Variants in DNAI1 observed in about 807,000 individuals in gnomAD.
DNAI1 encodes the protein dynein axonemal intermediate chain 1, also known as dynein, axonemal, intermediate polypeptide 1.
A neutral mutation model predicts 92.0 loss-of-function variants in DNAI1; 67 were observed. That is an observed-to-expected ratio of 0.73 (90% CI 0.60 to 0.89). DNAI1 has a LOEUF of 0.89. Among genes scored for constraint, DNAI1 ranks in the 40% least tolerant of loss-of-function variants. DNAI1 has a pLI of 0.00. For synonymous variants in DNAI1, 323 were observed against 319.6 expected (o/e 1.01, Z -0.11); for missense variants, 839 against 866.6 (o/e 0.97, Z 0.40).
rs1824814380 is a variant in DNAI1, at chr9:34,500,764, A to T, written c.944A>T (p.Gln315Leu). ...GATGCTGCTGATGAATACCGGGACCAGGTGGGTACCCTGCTGCCGCTCTGG... is the reference window on the plus strand; with the variant it reads ...GATGCTGCTGATGAATACCGGGACCTGGTGGGTACCCTGCTGCCGCTCTGG... ...YDDAADEYRD[Q>L]VGTLLPLWKF... Residue 315 changes from glutamine to leucine, a missense_variant, in exon 11 of 20, where the codon CAG becomes CTG. By Grantham distance (113) the Gln-to-Leu change is moderately radical. Transcript: ENST00000242317. The T allele has an allele frequency of 6.2e-7, 1 of 1,614,012 alleles. No homozygotes were observed. Among genetic ancestry groups the T allele is most frequent in the Non-Finnish European group, 8.5e-7 (1 of 1,180,016 alleles).
At chr9:34,482,544 CCAA>C (rs1370803854) in intron 1 of DNAI1, among the ~76,000 whole-genome samples, 1 of 146,832 alleles carries the variant, frequency 6.8e-6, no homozygotes, top group Non-Finnish European at 1.5e-5. Flanking sequence ...TAAAGACTCT[CCAA>C]GTCCTCACCA....
intron 19 of DNAI1, among the ~76,000 whole-genome samples, chr9:34,519,590 G>C (rs1432213792): frequency 6.6e-6 from 1 of 152,090 alleles, no homozygotes; most frequent in Non-Finnish European, 1.5e-5. Context: ...AAGCGGATAG[G>C]GGAGAAAATT....
At position 34,514,103 on chromosome 9, in the gene DNAI1, A is replaced by G. The variant is rs28630749; in HGVS notation, c.1570-291A>G. Among the ~76,000 whole-genome samples the G allele has an allele frequency of 0.27, 41,105 of 152,002 alleles. 5,753 individuals are homozygous for G. Among genetic ancestry groups the G allele is most frequent in the African/African-American group, 0.31 (12,949 of 41,430 alleles). On this transcript the variant is annotated intron_variant, in intron 16 of 19. Transcript: ENST00000242317. Reference sequence around the variant, plus strand: ...CTGCTCTGCCCTCTCTTAAGGAGAGAAGGCTTTTTCTGTCTGGCCTGGAAT... The same window carrying G: ...CTGCTCTGCCCTCTCTTAAGGAGAGGAGGCTTTTTCTGTCTGGCCTGGAAT...
intron 1 of DNAI1, 142 bp from the exon 2 acceptor site, chr9:34,483,306 G>A: frequency 1.3e-6 from 1 of 776,570 alleles, no homozygotes; most frequent in Non-Finnish European, 2.2e-6. Flanking sequence ...GAGCAAGCGA[G>A]GGCTCTGAGG....
intron 19 of DNAI1, 147 bp downstream of exon 19, chr9:34,517,614 CAGT>C: frequency 2.0e-6 from 2 of 976,490 alleles, no homozygotes; most frequent in Non-Finnish European, 3.1e-6. Flanking sequence ...ATGAGGCTCA[CAGT>C]AGAAGCAGGT....
intron 1 of DNAI1, among the ~76,000 whole-genome samples, chr9:34,474,559 T>G (rs1824203917): frequency 6.7e-6 from 1 of 148,574 alleles, no homozygotes; most frequent in African/African-American, 2.5e-5. Flanking sequence ...ATTTCTTTTT[T>G]TTTTTTCCTT....
At chr9:34,477,924 CTTTTT>C (rs74180566) in intron 1 of DNAI1, among the ~76,000 whole-genome samples, 225 of 48,966 alleles carry the variant, frequency 4.6e-3, no homozygotes, top group African/African-American at 0.015. Flanking sequence ...CTCTCTCTCT[CTTTTT>C]TTTTTTTTTT....
chr9:34,498,057 T>C (rs1251425795), intron 10 of DNAI1, among the ~76,000 whole-genome samples: 2 of 152,090 alleles, frequency 1.3e-5, no homozygotes, highest in Admixed American at 1.3e-4. Flanking sequence ...AGAGCAAGGC[T>C]GGAGGAGGAT....
intron 1 of DNAI1, among the ~76,000 whole-genome samples, chr9:34,464,573 C>G (rs1303014721): frequency 6.6e-6 from 1 of 151,070 alleles, no homozygotes; most frequent in Non-Finnish European, 1.5e-5. Context: ...GTTATATAGT[C>G]TCATTGCTCT....
intron 8 of DNAI1, among the ~76,000 whole-genome samples, chr9:34,492,283 C>T (rs1385960547): frequency 6.6e-6 from 1 of 151,706 alleles, no homozygotes; most frequent in African/African-American, 2.4e-5. Flanking sequence ...AGGGAGCACA[C>T]GGTGTGATGA....
chr9:34,489,233 T>C (rs1824531828), intron 4 of DNAI1, 90 bp from the exon 5 acceptor site: 1 of 1,483,518 alleles, frequency 6.7e-7, no homozygotes, highest in African/African-American at 1.4e-5. Flanking sequence ...AAAGATGGAC[T>C]GTCTTTGATC....
At position 34,491,375 on chromosome 9, in the gene DNAI1, G is replaced by A. The variant is rs947825763; in HGVS notation, c.622-120G>A. The A allele has an allele frequency of 7.0e-6, 7 of 996,550 alleles. No individual in the cohort carries two copies. The African/African-American group carries it at 1.1e-4, about 16-fold the overall frequency. The allele number at this position is 996,550 out of a possible 1,614,324, so 61.7% of individuals were successfully genotyped here. ...ACCCAAGCCCCTCTTTACTTCCCCA[G>A]CTCTGTGTCCCAAACCTCCATCAGC... On this transcript the variant is annotated intron_variant, in intron 7 of 19. Transcript: ENST00000242317.
At chr9:34,466,064 A>G (rs565060564) in intron 1 of DNAI1, among the ~76,000 whole-genome samples, 1 of 152,344 alleles carries the variant, frequency 6.6e-6, no homozygotes, top group African/African-American at 2.4e-5. Flanking sequence ...CCGTCATCCG[A>G]GGACCTGGCA....
intron 1 of DNAI1, among the ~76,000 whole-genome samples, chr9:34,475,902 G>C (rs548053213): frequency 6.6e-6 from 1 of 152,036 alleles, no homozygotes; most frequent in Non-Finnish European, 1.5e-5. Flanking sequence ...ACTAAAATAC[G>C]CTCAGGGACA....
At chr9:34,505,094 G>A (rs929260740) in intron 12 of DNAI1, among the ~76,000 whole-genome samples, 2 of 152,128 alleles carry the variant, frequency 1.3e-5, no homozygotes, top group Non-Finnish European at 2.9e-5. Context: ...TCCCGTTGCT[G>A]CTGGAATAAA....
At chr9:34,497,728 G>A (rs374551298) in intron 10 of DNAI1, among the ~76,000 whole-genome samples, 11 of 152,242 alleles carry the variant, frequency 7.2e-5, no homozygotes, top group African/African-American at 2.7e-4. Flanking sequence ...AGTTATGGAA[G>A]GCTTTGGAGA....
chr9:34,464,789 A>C (rs184429215), intron 1 of DNAI1, among the ~76,000 whole-genome samples: 2 of 152,132 alleles, frequency 1.3e-5, no homozygotes, highest in Admixed American at 1.3e-4. Context: ...TGAATGAGTG[A>C]TCAACTGTGG....
Position 34,502,541 on chromosome 9 carries a change from C to T in DNAI1, c.1063+1360C>T, listed in dbSNP as rs750699036. Among the ~76,000 whole-genome samples the T allele has an allele frequency of 1.1e-4, 17 of 152,104 alleles. 1 individual carries two copies. The highest frequency in any genetic ancestry group is 2.0e-4 in the Admixed American group (3 of 15,274). On this transcript the variant is annotated intron_variant, in intron 12 of 19. Coordinates refer to ENST00000242317, the MANE Select transcript of DNAI1 (RefSeq NM_012144.4). The stretch of plus-strand genomic sequence containing the variant: ...GCTTCAGTTTTAGCGCTATTCTCCC[C>T]GCACCCAGGTTCGGAAGCAGGCTCA...
intron 1 of DNAI1, among the ~76,000 whole-genome samples, chr9:34,472,240 A>T (rs947924570): frequency 6.6e-6 from 1 of 152,204 alleles, no homozygotes; most frequent in Non-Finnish European, 1.5e-5. Context: ...CAGCAATTCT[A>T]TGAGGAGGGC....
Sources: allele counts gnomAD v4.1 joint callset (sites outside exome capture counted in the v4.1 genomes callset), GRCh38; gene constraint gnomAD v4.1.1; transcripts MANE v1.5; gene names NCBI Gene and HGNC (gene_info 2026-07-23, HGNC 2026-07-21).